GRIA1: variants seen among roughly 807,000 people sequenced by gnomAD.
GRIA1 encodes the protein glutamate ionotropic receptor AMPA type subunit 1.
In GRIA1, 31 loss-of-function variants were observed where a neutral mutation model predicts 99.2. The ratio of observed to expected loss-of-function variants is 0.31; its 90% CI spans 0.23 to 0.42. The LOEUF (loss-of-function observed/expected upper bound fraction) is 0.42, where lower values mean the gene tolerates loss of function less well. Among genes scored for constraint, GRIA1 ranks in the 10% least tolerant of loss-of-function variants. The pLI is 1.00. For synonymous variants in GRIA1, 438 were observed against 432.4 expected (o/e 1.01, Z -0.16); for missense variants, 782 against 1,157.5 (o/e 0.68, Z 4.71).
At chr5:153,736,862 T>C (rs1761413350) in intron 11 of GRIA1, among the ~76,000 whole-genome samples, 1 of 152,286 alleles carries the variant, frequency 6.6e-6, no homozygotes, top group South Asian at 2.1e-4. Context: ...CTCAGTTATT[T>C]GCATAAAATA....
chr5:153,607,847 T>C (rs934580618), intron 2 of GRIA1, among the ~76,000 whole-genome samples: 1 of 152,146 alleles, frequency 6.6e-6, no homozygotes, highest in Non-Finnish European at 1.5e-5. Flanking sequence ...TTTACCCATA[T>C]ATTTATAATT....
chr5:153,780,882 A>G (rs1764584661), intron 13 of GRIA1, among the ~76,000 whole-genome samples: 1 of 152,190 alleles, frequency 6.6e-6, no homozygotes, highest in Non-Finnish European at 1.5e-5. Flanking sequence ...TAACATTGCA[A>G]TATGGCAGAA....
At chr5:153,737,513 C>G (rs1761467017) in intron 11 of GRIA1, among the ~76,000 whole-genome samples, 1 of 152,078 alleles carries the variant, frequency 6.6e-6, no homozygotes, top group African/African-American at 2.4e-5. Flanking sequence ...GATTTGCCAT[C>G]TAAAACTGGC....
rs183888641 is a variant in GRIA1 at position 153,608,409 on chromosome 5, C to T, written c.221-38519C>T. Among the ~76,000 whole-genome samples the T allele has an allele frequency of 3.2e-4, 49 of 152,204 alleles. No homozygotes were observed. In the East Asian group the frequency reaches 6.9e-3, roughly 22 times the overall value. On this transcript the variant is annotated intron_variant, in intron 2 of 15. Coordinates refer to ENST00000285900, the MANE Select transcript of GRIA1 (RefSeq NM_000827.4). Reference sequence around the variant, plus strand: ...ATGATGTTAAGGTGTTTCACTGTAACCCACATTCTTTTCCATATTTTCTAT... The same window carrying T: ...ATGATGTTAAGGTGTTTCACTGTAATCCACATTCTTTTCCATATTTTCTAT...
intron 2 of GRIA1, among the ~76,000 whole-genome samples, chr5:153,618,652 A>C (rs1561695970): frequency 6.6e-6 from 1 of 152,192 alleles, no homozygotes; most frequent in Non-Finnish European, 1.5e-5. Context: ...CCACCTCAAG[A>C]ATCCCTAAGG....
At chr5:153,563,284 C>T (rs929349916) in intron 2 of GRIA1, among the ~76,000 whole-genome samples, 3 of 152,096 alleles carry the variant, frequency 2.0e-5, no homozygotes, top group East Asian at 3.9e-4. Context: ...GGTTTTGTGC[C>T]CTCTGAGAGT....
At chr5:153,766,010 C>A (rs1763494300) in intron 12 of GRIA1, among the ~76,000 whole-genome samples, 1 of 152,206 alleles carries the variant, frequency 6.6e-6, no homozygotes, top group African/African-American at 2.4e-5. Context: ...TATCTCACTA[C>A]AACTTCTTGG....
intron 2 of GRIA1, among the ~76,000 whole-genome samples, chr5:153,535,446 A>G (rs74393115): frequency 0.017 from 2,537 of 152,104 alleles, 32 homozygotes; most frequent in Middle Eastern, 0.031. Context: ...AAATAAAGCA[A>G]CCTCCTGGCA....
At chr5:153,542,745 T>A (rs1192073714) in intron 2 of GRIA1, among the ~76,000 whole-genome samples, 1 of 152,234 alleles carries the variant, frequency 6.6e-6, no homozygotes. Context: ...TGGTACCTCC[T>A]CCTAGAAGAT....
chr5:153,561,483 A>G (rs1447486704), intron 2 of GRIA1, among the ~76,000 whole-genome samples: 1 of 152,158 alleles, frequency 6.6e-6, no homozygotes, highest in East Asian at 1.9e-4. Context: ...AAGGGTCAGG[A>G]AGCTGTAACT....
intron 13 of GRIA1, among the ~76,000 whole-genome samples, chr5:153,791,165 G>T (rs1581662905): frequency 6.6e-6 from 1 of 151,670 alleles, no homozygotes. Context: ...ACCAGGAAAG[G>T]TGGCTTATGC....
chr5:153,696,441 T>G (rs915382769), intron 8 of GRIA1, among the ~76,000 whole-genome samples: 1 of 152,134 alleles, frequency 6.6e-6, no homozygotes, highest in Non-Finnish European at 1.5e-5. Flanking sequence ...TGCAGCTACT[T>G]CACCTCGGGC....
At chr5:153,604,584 C>G (rs1416886845) in intron 2 of GRIA1, among the ~76,000 whole-genome samples, 1 of 152,112 alleles carries the variant, frequency 6.6e-6, no homozygotes, top group Non-Finnish European at 1.5e-5. Context: ...TGTGCCCATC[C>G]CTAGCTCTAT....
At chr5:153,596,263 G>T (rs186270967) in intron 2 of GRIA1, among the ~76,000 whole-genome samples, 8 of 152,300 alleles carry the variant, frequency 5.3e-5, no homozygotes, top group Non-Finnish European at 1.2e-4. Context: ...TATCAAATCA[G>T]AAGCATCTTA....
chr5:153,754,454 AAAC>A (rs201682146), intron 11 of GRIA1, among the ~76,000 whole-genome samples: 9 of 152,058 alleles, frequency 5.9e-5, no homozygotes, highest in African/African-American at 1.4e-4. Flanking sequence ...AGGCTGCTAT[AAAC>A]AACAACAACA....
At chr5:153,618,013 G>A (rs949604231) in intron 2 of GRIA1, among the ~76,000 whole-genome samples, 11 of 152,190 alleles carry the variant, frequency 7.2e-5, no homozygotes, top group African/African-American at 2.7e-4. Flanking sequence ...GTGTGGGGTG[G>A]ATGTAGTAAC....
intron 2 of GRIA1, among the ~76,000 whole-genome samples, chr5:153,544,728 G>A (rs564263816): frequency 3.7e-4 from 57 of 152,280 alleles, no homozygotes; most frequent in African/African-American, 1.2e-3. Context: ...GGGAAAAGCC[G>A]AGAGGAAAAG....
At chr5:153,494,258 C>T in intron 2 of GRIA1, 193 bp downstream of exon 2, 1 of 578,216 alleles carries the variant, frequency 1.7e-6, no homozygotes, top group Non-Finnish European at 3.0e-6. Context: ...TGCAATGCTT[C>T]ATGTAATGGA....
intron 10 of GRIA1, among the ~76,000 whole-genome samples, chr5:153,704,995 T>C (rs1206046129): frequency 6.6e-6 from 1 of 152,318 alleles, no homozygotes; most frequent in East Asian, 1.9e-4. Context: ...AATTGACCTT[T>C]ACTCAGGACT....
Sources: gnomAD v4.1 joint callset for allele counts (sites outside exome capture counted in the v4.1 genomes callset) on GRCh38, gnomAD v4.1.1 for gene constraint, MANE v1.5 for transcripts, NCBI Gene and HGNC (gene_info 2026-07-23, HGNC 2026-07-21) for gene names.